Variants in LRRC4C observed in about 807,000 individuals in gnomAD.
LRRC4C encodes leucine rich repeat containing 4C, also known as leucine-rich repeat-containing protein 4C.
Under a neutral mutation model 33.6 loss-of-function variants are expected in LRRC4C, and 5 were observed. The observed-to-expected ratio is 0.15, with a 90% confidence interval of 0.08 to 0.31. The LOEUF (loss-of-function observed/expected upper bound fraction) is 0.31. Ranked by LOEUF, LRRC4C falls within the 10% of genes least tolerant of loss-of-function variation. The pLI is 1.00. For synonymous variants in LRRC4C, 329 were observed against 302.0 expected (o/e 1.09, Z -0.93); for missense variants, 560 against 796.7 (o/e 0.70, Z 3.58).
chr11:40,342,198 C>T (rs1204448488), intron 3 of LRRC4C, among the ~76,000 whole-genome samples: 1 of 152,140 alleles, frequency 6.6e-6, no homozygotes, highest in Admixed American at 6.5e-5. Flanking sequence ...TGGACAGGTG[C>T]AGTGGCTTAT....
At chr11:41,393,859 G>A (rs1353507403) in intron 1 of LRRC4C, among the ~76,000 whole-genome samples, 1 of 151,990 alleles carries the variant, frequency 6.6e-6, no homozygotes, top group Non-Finnish European at 1.5e-5. Flanking sequence ...GCATATGCAA[G>A]TGAATTCCAT....
At chr11:40,767,035 G>GA (rs35118005) in intron 2 of LRRC4C, among the ~76,000 whole-genome samples, 6 of 149,330 alleles carry the variant, frequency 4.0e-5, no homozygotes, top group Admixed American at 2.0e-4. Context: ...GCTGGATGGA[G>GA]AAAAAAAAAA....
intron 3 of LRRC4C, among the ~76,000 whole-genome samples, chr11:40,483,807 ATGTATG>A (rs1953716415): frequency 6.6e-6 from 1 of 150,726 alleles, no homozygotes; most frequent in Non-Finnish European, 1.5e-5. Flanking sequence ...ATATATGTAT[ATGTATG>A]TATATACATA....
intron 3 of LRRC4C, among the ~76,000 whole-genome samples, chr11:40,621,500 A>G (rs1038794647): frequency 1.2e-4 from 18 of 150,958 alleles, no homozygotes; most frequent in African/African-American, 4.4e-4. Flanking sequence ...AAAACCCTAT[A>G]CTGTTATAAA....
intron 1 of LRRC4C, among the ~76,000 whole-genome samples, chr11:41,386,911 C>T (rs1378506195): frequency 6.6e-6 from 1 of 151,780 alleles, no homozygotes; most frequent in African/African-American, 2.4e-5. Flanking sequence ...ATGATCAGAA[C>T]AATAAGAGCT....
At chr11:40,169,021 C>A (rs767120878) in intron 5 of LRRC4C, among the ~76,000 whole-genome samples, 7 of 152,032 alleles carry the variant, frequency 4.6e-5, no homozygotes, top group Non-Finnish European at 8.8e-5. Flanking sequence ...GCAATTCTAA[C>A]CCTTGAGTTT....
chr11:40,328,059 C>A (rs1007674435), intron 3 of LRRC4C, among the ~76,000 whole-genome samples: 6 of 151,810 alleles, frequency 4.0e-5, no homozygotes, highest in Non-Finnish European at 7.4e-5. Context: ...ACAGACATTA[C>A]TAAAAGTGAA....
intron 2 of LRRC4C, among the ~76,000 whole-genome samples, chr11:40,773,472 G>A (rs1323964101): frequency 6.8e-6 from 1 of 147,286 alleles, no homozygotes; most frequent in Non-Finnish European, 1.5e-5. Flanking sequence ...ATGTACCCCA[G>A]AAACATATAC....
At chr11:41,457,425 T>C (rs536442230) in intron 1 of LRRC4C, among the ~76,000 whole-genome samples, 63 of 152,270 alleles carry the variant, frequency 4.1e-4, no homozygotes, top group Non-Finnish European at 7.1e-4. Context: ...AGGCAGAGCT[T>C]GGAGAGCCTC....
At chr11:40,133,708 C>T (rs1010204234) in intron 6 of LRRC4C, among the ~76,000 whole-genome samples, 5 of 152,080 alleles carry the variant, frequency 3.3e-5, no homozygotes, top group Admixed American at 2.0e-4. Flanking sequence ...TGTATGATTG[C>T]GTAGATCCTT....
intron 1 of LRRC4C, among the ~76,000 whole-genome samples, chr11:40,984,363 AAAAGAAAG>A (rs61226519): frequency 0.086 from 10,381 of 120,116 alleles, 506 homozygotes; most frequent in Non-Finnish European, 0.11. Flanking sequence ...AAAGAAAGAA[AAAAGAAAG>A]AAAGAAAGAA....
At chr11:40,704,181 T>A (rs1946025418) in intron 2 of LRRC4C, among the ~76,000 whole-genome samples, 2 of 152,204 alleles carry the variant, frequency 1.3e-5, no homozygotes, top group African/African-American at 4.8e-5. Flanking sequence ...TTAAAGTCTA[T>A]GAATGAATAT....
At chr11:41,226,150 T>C (rs1190300684) in intron 1 of LRRC4C, among the ~76,000 whole-genome samples, 1 of 152,152 alleles carries the variant, frequency 6.6e-6, no homozygotes, top group Non-Finnish European at 1.5e-5. Context: ...TTGGTTCCTG[T>C]TTATTTCCCA....
At chr11:40,265,567 T>C (rs550066891) in intron 4 of LRRC4C, among the ~76,000 whole-genome samples, 2 of 152,344 alleles carry the variant, frequency 1.3e-5, no homozygotes, top group South Asian at 4.1e-4. Flanking sequence ...GATTGTTCTC[T>C]TTTCTGGAGG....
chr11:40,196,100 T>G (rs1862240273), intron 5 of LRRC4C, among the ~76,000 whole-genome samples: 1 of 152,208 alleles, frequency 6.6e-6, no homozygotes, highest in South Asian at 2.1e-4. Flanking sequence ...TCAGAATACA[T>G]TGCACAAACT....
At chr11:40,280,016 T>C (rs1183954914) in intron 4 of LRRC4C, among the ~76,000 whole-genome samples, 1 of 152,190 alleles carries the variant, frequency 6.6e-6, no homozygotes, top group African/African-American at 2.4e-5. Context: ...GGTGAGTATC[T>C]GTGCATATTT....
At chr11:41,182,770 C>T (rs908878490) in intron 1 of LRRC4C, among the ~76,000 whole-genome samples, 5 of 151,330 alleles carry the variant, frequency 3.3e-5, no homozygotes, top group Admixed American at 1.3e-4. Context: ...TTCTGTCTCC[C>T]GTGATGTATT....
chr11:41,457,063 A>C (rs577584498), intron 1 of LRRC4C, among the ~76,000 whole-genome samples: 1 of 152,218 alleles, frequency 6.6e-6, no homozygotes. Flanking sequence ...TACAATTATT[A>C]AATCTTTAAT....
At chr11:40,683,221 C>A (rs1475549201) in intron 2 of LRRC4C, among the ~76,000 whole-genome samples, 1 of 152,102 alleles carries the variant, frequency 6.6e-6, no homozygotes, top group Non-Finnish European at 1.5e-5. Flanking sequence ...TGCTGGGGAC[C>A]ACTGGATATC....
Sources: allele counts gnomAD v4.1 joint callset (sites outside exome capture counted in the v4.1 genomes callset), GRCh38; gene constraint gnomAD v4.1.1; transcripts MANE v1.5; gene names NCBI Gene and HGNC (gene_info 2026-07-23, HGNC 2026-07-21).